The following TRIM44 variants were observed in gnomAD, a reference collection of about 807,000 sequenced individuals.
TRIM44 encodes tripartite motif containing 44, also known as tripartite motif-containing protein 44.
In TRIM44, 13 loss-of-function variants were observed where a neutral mutation model predicts 37.4. The ratio of observed to expected loss-of-function variants is 0.35; its 90% CI spans 0.23 to 0.55. The LOEUF is 0.55. Among genes scored for constraint, TRIM44 ranks in the 20% least tolerant of loss-of-function variants. TRIM44 has a pLI of 0.89. For synonymous variants in TRIM44, 175 were observed against 157.2 expected, an observed-to-expected ratio of 1.11 and a Z score of -0.85; for missense variants, 426 against 437.2, an observed-to-expected ratio of 0.97 and a Z score of 0.23.
chr11:35,756,179 A>C (rs1326818226), intron 4 of TRIM44, among the ~76,000 whole-genome samples: 10 of 151,912 alleles, frequency 6.6e-5, no homozygotes, highest in Non-Finnish European at 1.3e-4. Context: ...CTTTTATTTC[A>C]TTGAGCAGTG....
chr11:35,794,690 A>C (rs757704328), intron 4 of TRIM44, among the ~76,000 whole-genome samples: 1 of 152,238 alleles, frequency 6.6e-6, no homozygotes, highest in Non-Finnish European at 1.5e-5. Flanking sequence ...TAAGCTGTTC[A>C]TGAGATTCCT....
intron 1 of TRIM44, among the ~76,000 whole-genome samples, chr11:35,670,086 G>T (rs1851376432): frequency 6.6e-6 from 1 of 152,158 alleles, no homozygotes; most frequent in Non-Finnish European, 1.5e-5. Context: ...GCTTCCCAAA[G>T]TGCTGGGATT....
chr11:35,678,340 C>T (rs1851483698), intron 1 of TRIM44, among the ~76,000 whole-genome samples: 1 of 151,982 alleles, frequency 6.6e-6, no homozygotes, highest in African/African-American at 2.4e-5. Context: ...CTGGATATGG[C>T]ATATATTTTA....
chr11:35,745,887 A>T (rs913516063), intron 4 of TRIM44, among the ~76,000 whole-genome samples: 1 of 152,142 alleles, frequency 6.6e-6, no homozygotes, highest in African/African-American at 2.4e-5. Context: ...CTCCACACAC[A>T]GTGGCCCGGA....
At chr11:35,728,052 G>A (rs759069809) in intron 3 of TRIM44, among the ~76,000 whole-genome samples, 13 of 152,276 alleles carry the variant, frequency 8.5e-5, no homozygotes, top group East Asian at 1.9e-4. Context: ...TTGGCTAGGC[G>A]TGGTGGCTCA....
At chr11:35,669,433 C>T (rs1406653594) in intron 1 of TRIM44, among the ~76,000 whole-genome samples, 1 of 151,708 alleles carries the variant, frequency 6.6e-6, no homozygotes, top group African/African-American at 2.4e-5. Flanking sequence ...GAGAGGGTCC[C>T]AAGTCTATAT....
intron 4 of TRIM44, among the ~76,000 whole-genome samples, chr11:35,779,146 A>T (rs1853022598): frequency 6.6e-6 from 1 of 152,056 alleles, no homozygotes. Context: ...CAGCAAGTGG[A>T]TGCCCTCCCC....
At chr11:35,753,063 C>T (rs889007274) in intron 4 of TRIM44, among the ~76,000 whole-genome samples, 12 of 152,176 alleles carry the variant, frequency 7.9e-5, no homozygotes, top group Non-Finnish European at 1.8e-4. Context: ...GTGCAGAAAA[C>T]CCTGGTTTGG....
chr11:35,752,541 C>T (rs573782245), intron 4 of TRIM44, among the ~76,000 whole-genome samples: 1 of 151,760 alleles, frequency 6.6e-6, no homozygotes, highest in Admixed American at 6.5e-5. Flanking sequence ...CCCCTTGATG[C>T]TAAACCCCAA....
At chr11:35,733,057 G>A (rs1381195586) in intron 3 of TRIM44, among the ~76,000 whole-genome samples, 2 of 152,084 alleles carry the variant, frequency 1.3e-5, no homozygotes, top group African/African-American at 2.4e-5. Context: ...TTTGTTGAAC[G>A]ATTACAAGGT....
At chr11:35,719,046 C>T (rs1441564655) in intron 2 of TRIM44, among the ~76,000 whole-genome samples, 1 of 152,110 alleles carries the variant, frequency 6.6e-6, no homozygotes, top group East Asian at 1.9e-4. Context: ...CTATAAACAT[C>T]TGTCTGCAGG....
intron 2 of TRIM44, among the ~76,000 whole-genome samples, chr11:35,715,851 A>G (rs1852034119): frequency 1.3e-5 from 2 of 152,180 alleles, no homozygotes; most frequent in South Asian, 2.1e-4. Flanking sequence ...AGCAGGAGGA[A>G]GAGAGAGAGG....
chr11:35,734,810 G>C (rs561009728), intron 3 of TRIM44, among the ~76,000 whole-genome samples: 1 of 152,326 alleles, frequency 6.6e-6, no homozygotes, highest in South Asian at 2.1e-4. Flanking sequence ...ATGGAAGAAT[G>C]ATGTGGATCA....
chr11:35,793,211 A>AAAAC (rs1853239669), intron 4 of TRIM44, among the ~76,000 whole-genome samples: 1 of 152,122 alleles, frequency 6.6e-6, no homozygotes, highest in African/African-American at 2.4e-5. Flanking sequence ...TCTTTTTTAA[A>AAAAC]AAACAAACAA....
At chr11:35,792,111 A>ACACACACACACACACACACACACACC (rs796092540) in intron 4 of TRIM44, among the ~76,000 whole-genome samples, 1 of 114,300 alleles carries the variant, frequency 8.7e-6, no homozygotes, top group Admixed American at 8.3e-5. Flanking sequence ...ACACACACAC[A>ACACACACACACACACACACACACACC]CTCTCTCTCA....
intron 4 of TRIM44, among the ~76,000 whole-genome samples, chr11:35,765,268 CA>C (rs1852782153): frequency 6.6e-6 from 1 of 152,032 alleles, no homozygotes; most frequent in Non-Finnish European, 1.5e-5. Context: ...AAGAATAAGC[CA>C]GGGGCCTTGC....
At chr11:35,736,139 T>C (rs569241754) in intron 4 of TRIM44, among the ~76,000 whole-genome samples, 2 of 152,274 alleles carry the variant, frequency 1.3e-5, no homozygotes, top group African/African-American at 4.8e-5. Flanking sequence ...TAAAAGGCAA[T>C]GTCCAGATGG....
At chr11:35,793,618 GC>G (rs1363645855) in intron 4 of TRIM44, among the ~76,000 whole-genome samples, 45 of 152,178 alleles carry the variant, frequency 3.0e-4, no homozygotes, top group Non-Finnish European at 7.3e-5. Context: ...GTTTGAGTCT[GC>G]CAAGGCCTTG....
At chr11:35,705,218 T>C (rs1677111050) in intron 2 of TRIM44, among the ~76,000 whole-genome samples, 2 of 151,568 alleles carry the variant, frequency 1.3e-5, no homozygotes, top group Admixed American at 6.6e-5. Context: ...CTAACTATCC[T>C]AAATATATAT....
Sources: allele counts gnomAD v4.1 joint callset (sites outside exome capture counted in the v4.1 genomes callset), GRCh38; gene constraint gnomAD v4.1.1; transcripts MANE v1.5; gene names NCBI Gene and HGNC (gene_info 2026-07-23, HGNC 2026-07-21).